The following UNC13C variants were observed in gnomAD, a reference collection of about 807,000 sequenced individuals.
UNC13C encodes protein unc-13 homolog C.
In UNC13C, 174 loss-of-function variants were observed where a neutral mutation model predicts 245.4. That is an observed-to-expected ratio of 0.71 (90% CI 0.63 to 0.80). The LOEUF is 0.80. Ranked by LOEUF, UNC13C falls within the 30% of genes least tolerant of loss-of-function variation. The pLI is 0.00. For synonymous variants in UNC13C, 992 were observed against 895.1 expected (o/e 1.11, Z -1.93); for missense variants, 2,829 against 2,602.9 (o/e 1.09, Z -1.89).
the UNC13C span, among the ~76,000 whole-genome samples, chr15:53,844,487 G>T: frequency 0.017 from 2,610 of 152,202 alleles, 52 homozygotes; most frequent in East Asian, 0.08. Context: ...GGGAAGGTGG[G>T]TCAATGTGAT....
the UNC13C span, among the ~76,000 whole-genome samples, chr15:53,906,061 C>T: frequency 6.6e-6 from 1 of 152,250 alleles, no homozygotes; most frequent in Non-Finnish European, 1.5e-5. Context: ...AGGCTTGGCA[C>T]AGTGGCTCAC....
At chr15:54,281,456 A>T (rs909814487) in intron 10 of UNC13C, among the ~76,000 whole-genome samples, 15 of 152,308 alleles carry the variant, frequency 9.8e-5, no homozygotes, top group Admixed American at 7.2e-4. Flanking sequence ...ATGTAGTTGT[A>T]TGTATTTTTT....
intron 20 of UNC13C, among the ~76,000 whole-genome samples, chr15:54,497,699 C>T (rs576744933): frequency 1.5e-3 from 226 of 152,232 alleles, no homozygotes; most frequent in African/African-American, 5.3e-3. Context: ...GTAACAGTCT[C>T]TCCTTCTGTT....
chr15:54,395,204 C>G (rs1326944691), intron 18 of UNC13C, among the ~76,000 whole-genome samples: 1 of 151,688 alleles, frequency 6.6e-6, no homozygotes, highest in African/African-American at 2.4e-5. Context: ...TAATAAATGC[C>G]TTAAGTGAAC....
chr15:54,059,780 T>A (rs570827199), intron 2 of UNC13C, among the ~76,000 whole-genome samples: 1 of 152,152 alleles, frequency 6.6e-6, no homozygotes, highest in Non-Finnish European at 1.5e-5. Flanking sequence ...TATAGACCAA[T>A]GGAACAGAAC....
At chr15:54,106,891 C>G (rs1900474544) in intron 2 of UNC13C, among the ~76,000 whole-genome samples, 1 of 152,224 alleles carries the variant, frequency 6.6e-6, no homozygotes, top group African/African-American at 2.4e-5. Flanking sequence ...AGTTTTCAGA[C>G]TAACAGCCAC....
intron 2 of UNC13C, among the ~76,000 whole-genome samples, chr15:54,067,670 A>G (rs531479619): frequency 6.6e-6 from 1 of 152,328 alleles, no homozygotes; most frequent in East Asian, 1.9e-4. Context: ...TCCATAATGA[A>G]CTAAATATTT....
In UNC13C at chr15:54,457,258, C is replaced by T. The variant is rs529134557; in HGVS notation, c.4934-37350C>T. ...TAATTATGGCATGTTATCTTTTTGA[C>T]ATGCTTTTGGATTCAGATAGCTAGT... On this transcript the variant is annotated intron_variant, in intron 19 of 32. Coordinates refer to ENST00000260323, the MANE Select transcript of UNC13C (RefSeq NM_001080534.3). Among the ~76,000 whole-genome samples, 3 of 152,218 alleles carry T rather than the reference C, an allele frequency of 2.0e-5. No individual in the cohort carries two copies. In the South Asian group the frequency reaches 6.2e-4, roughly 32 times the overall value.
At chr15:54,118,058 T>G (rs914669394) in intron 2 of UNC13C, among the ~76,000 whole-genome samples, 3 of 152,146 alleles carry the variant, frequency 2.0e-5, no homozygotes, top group Non-Finnish European at 2.9e-5. Context: ...AGTTTTATAG[T>G]ATATTTTGAA....
chr15:53,874,572 G>A, the UNC13C span, among the ~76,000 whole-genome samples: 1 of 152,158 alleles, frequency 6.6e-6, no homozygotes, highest in Non-Finnish European at 1.5e-5. Context: ...TTTACCCAGA[G>A]AGGACAGGTG....
At chr15:54,004,013 A>G (rs1895023932) in intron 1 of UNC13C, among the ~76,000 whole-genome samples, 1 of 152,118 alleles carries the variant, frequency 6.6e-6, no homozygotes. Flanking sequence ...TCCATCTGAA[A>G]CAAACAAACA....
At chr15:54,080,724 C>A (rs1237080629) in intron 2 of UNC13C, among the ~76,000 whole-genome samples, 1 of 151,922 alleles carries the variant, frequency 6.6e-6, no homozygotes, top group Non-Finnish European at 1.5e-5. Context: ...CTTGGTTAAT[C>A]TAGATATTGA....
At chr15:54,113,556 A>G (rs1595871618) in intron 2 of UNC13C, among the ~76,000 whole-genome samples, 1 of 152,086 alleles carries the variant, frequency 6.6e-6, no homozygotes, top group Non-Finnish European at 1.5e-5. Context: ...TTGTTAAAAC[A>G]TTATAAGATG....
chr15:54,196,823 A>G (rs2034367956), intron 4 of UNC13C, among the ~76,000 whole-genome samples: 1 of 152,170 alleles, frequency 6.6e-6, no homozygotes, highest in Non-Finnish European at 1.5e-5. Context: ...AAATATCTTA[A>G]CCCGATGAAC....
At position 54,099,959 on chromosome 15, in the gene UNC13C, G is replaced by T. The variant is rs1271754891; in HGVS notation, c.2984-43059G>T. The stretch of plus-strand genomic sequence containing the variant: ...AATATATAATACAAAAATTAGCCAG[G>T]TGTGGTGGTGGGCACCTATAATCCC... On this transcript the variant is annotated intron_variant, in intron 2 of 32. Coordinates refer to ENST00000260323, the MANE Select transcript of UNC13C (RefSeq NM_001080534.3). Among the ~76,000 whole-genome samples, 3 of 151,924 alleles carry T rather than the reference G, an allele frequency of 2.0e-5. No individual in the cohort carries two copies. The East Asian group carries it at 5.8e-4, about 29-fold the overall frequency.
the UNC13C span, among the ~76,000 whole-genome samples, chr15:53,877,710 A>T: frequency 6.6e-6 from 1 of 152,184 alleles, no homozygotes; most frequent in South Asian, 2.1e-4. Context: ...AAATGTACAG[A>T]TGTTAAGCAT....
At position 54,237,356 on chromosome 15, in the gene UNC13C, C is replaced by A. The variant is rs117908091; in HGVS notation, c.3157-263C>A. 3.3e-3 allele frequency among the ~76,000 whole-genome samples: 504 copies of A among 152,206 alleles called. 3 individuals are homozygous for A. Among genetic ancestry groups the A allele is most frequent in the South Asian group, 6.0e-3 (29 of 4,826 alleles). ...GTTGAGGGGGCTGGTCATCTTAAGACTGGTCATCTTGCCTTTCTGGGCCTC... is the reference window on the plus strand; with the variant it reads ...GTTGAGGGGGCTGGTCATCTTAAGAATGGTCATCTTGCCTTTCTGGGCCTC... On this transcript the variant is annotated intron_variant, in intron 6 of 32. Coordinates refer to ENST00000260323, the MANE Select transcript of UNC13C (RefSeq NM_001080534.3).
At position 54,321,977 on chromosome 15, in the gene UNC13C, G is replaced by T; in HGVS notation, c.4307G>T (p.Gly1436Val). Residue 1436 changes from glycine (G) to valine (V), a missense_variant, in exon 14 of 33, where the codon GGT becomes GTT. Gly to Val is a moderately radical substitution (Grantham distance 109). Transcript: ENST00000260323. ...SCLSSKYMCPGVPAVMSTLLA... is the reference protein window; with the variant it reads ...SCLSSKYMCPVVPAVMSTLLA... ...CTGTCTTCTAAATACATGTGCCCCG[G>T]TGTCCCTGCCGTCATGAGCACCTTG... 2 of 1,586,054 alleles carry T rather than the reference G, an allele frequency of 1.3e-6. No individual in the cohort carries two copies. Among genetic ancestry groups the T allele is most frequent in the Non-Finnish European group, 1.7e-6 (2 of 1,164,838 alleles).
At chr15:53,876,161 G>A in the UNC13C span, among the ~76,000 whole-genome samples, 1 of 152,072 alleles carries the variant, frequency 6.6e-6, no homozygotes, top group Non-Finnish European at 1.5e-5. Flanking sequence ...TTTAGCTTTT[G>A]CTCATGTTGC....
Sources: gnomAD v4.1 joint callset for allele counts (sites outside exome capture counted in the v4.1 genomes callset) on GRCh38, gnomAD v4.1.1 for gene constraint, MANE v1.5 for transcripts, NCBI Gene and HGNC (gene_info 2026-07-23, HGNC 2026-07-21) for gene names.